Variants in XPNPEP2 observed in about 807,000 individuals in gnomAD.
The protein encoded by XPNPEP2 is X-prolyl aminopeptidase 2, also known as xaa-Pro aminopeptidase 2.
In XPNPEP2, 64 loss-of-function variants were observed where a neutral mutation model predicts 59.8. The ratio of observed to expected loss-of-function variants is 1.07; its 90% CI spans 0.87 to 1.32. The LOEUF (loss-of-function observed/expected upper bound fraction) is 1.32, where lower values mean the gene tolerates loss of function less well. XPNPEP2 is among the 40% of genes most tolerant of loss of function. The pLI is 0.00. For missense variants in XPNPEP2, 575 were observed against 546.8 expected (o/e 1.05, Z -0.51); for synonymous variants, 235 against 210.0 (o/e 1.12, Z -1.03).
rs766405558 is a variant in XPNPEP2 at position 129,754,497 on chromosome X, G to A, written c.1133G>A (p.Arg378Gln). 8.4e-7 allele frequency: 1 copy of A among 1,193,617 alleles called. No homozygotes were observed. The highest frequency in any genetic ancestry group is 1.1e-6 in the Non-Finnish European group (1 of 887,247). ...SHVRDAVAVI[R>Q]YLVWLEKNVP... ...GTGCGGGACGCTGTGGCTGTGATCC[G>A]GTACTTGGTCTGGCTGGAGAAGAAC... Residue 378 changes from arginine (R) to glutamine (Q), a missense_variant, in exon 12 of 21, where the codon CGG becomes CAG. Physicochemically the swap from Arg to Gln is conservative, Grantham distance 43. Transcript: ENST00000371106.
intron 16 of XPNPEP2, 77 bp downstream of exon 16, chrX:129,760,658 G>A: frequency 9.7e-7 from 1 of 1,027,487 alleles, no homozygotes; most frequent in Non-Finnish European, 1.4e-6. Flanking sequence ...CTGGGAGGCT[G>A]GTGGGGCAAG....
chrX:129,758,561 C>G (rs143548674), intron 14 of XPNPEP2, among the ~76,000 whole-genome samples: 33 of 111,365 alleles, frequency 3.0e-4, no homozygotes, highest in African/African-American at 1.1e-3. Context: ...CAGCAAGTCA[C>G]TGGGTCAGAT....
chrX:129,739,195 G>T lies in XPNPEP2; in HGVS notation c.-19G>T. ...TCCCTTGTCCCTCCATCCACCCAGCGCCGGCATCTGGAGACCCTATGGCCC... is the reference window on the plus strand; with the variant it reads ...TCCCTTGTCCCTCCATCCACCCAGCTCCGGCATCTGGAGACCCTATGGCCC... On this transcript the variant is annotated 5_prime_UTR_variant, in exon 1 of 21. Transcript: ENST00000371106. The T allele has an allele frequency of 1.8e-5, 22 of 1,206,626 alleles. No homozygotes were observed. The highest frequency in any genetic ancestry group is 3.5e-5 in the South Asian group (2 of 56,822).
rs1772958942 is a variant in XPNPEP2, at chrX:129,753,327, G to A, written c.1107+79G>A. 3.2e-6 allele frequency: 3 copies of A among 935,421 alleles called. No homozygotes were observed. In the African/African-American group the frequency reaches 5.8e-5, roughly 18 times the overall value. The allele number at this position is 935,421 out of a possible 1,213,427, so 77.1% of individuals were successfully genotyped here. On this transcript the variant is annotated intron_variant, in intron 11 of 20. Transcript: ENST00000371106. ...TTAGAAAGGAAAGGCCTCCAGAAGA[G>A]CCTGAAGAAGACCCTCAATGAAACA...
intron 2 of XPNPEP2, 59 bp from the exon 3 acceptor site, chrX:129,743,902 C>G: frequency 1.8e-6 from 2 of 1,087,953 alleles, no homozygotes; most frequent in East Asian, 3.0e-5. Context: ...ATGTCATTTT[C>G]TCTAAGCAAC....
chrX:129,749,968 T>A (rs1021216404), intron 7 of XPNPEP2, among the ~76,000 whole-genome samples: 10 of 112,781 alleles, frequency 8.9e-5, no homozygotes, highest in African/African-American at 3.2e-4. Flanking sequence ...TACCCGTGGC[T>A]TAGTAAATAC....
Position 129,747,939 on chromosome X carries a change from C to A in XPNPEP2, c.637+186C>A. ...TCAGGGCCCCCTCCCCTTGAGGAGT[C>A]TGAATCAAAATGTCCTCCGGCCATA... On this transcript the variant is annotated intron_variant, in intron 7 of 20. Transcript: ENST00000371106. 4 of 580,532 alleles carry A rather than the reference C, an allele frequency of 6.9e-6. No homozygotes were observed. The South Asian group carries it at 1.0e-4, about 15-fold the overall frequency. The allele number at this position is 580,532 out of a possible 1,213,427, so 47.8% of individuals were successfully genotyped here.
Position 129,757,878 on chromosome X carries a change from A to G in XPNPEP2, c.1368-1302A>G, listed in dbSNP as rs1478954441. Among the ~76,000 whole-genome samples, 456 of 71,881 alleles carry G rather than the reference A, an allele frequency of 6.3e-3. 3 individuals are homozygous for G. The highest frequency in any genetic ancestry group is 0.021 in the Admixed American group (106 of 4,982). 62.4% of individuals were successfully genotyped at this position (71,881 alleles called of 115,157 possible). A position where few individuals can be genotyped will look rare whatever the true frequency, so the allele number is the denominator to read the frequency against. ...AAGAAAGAGGGAGAGAGAGAAAGAG[A>G]GAGAGAGAGAGAGAGAGAAAGAAAG... On this transcript the variant is annotated intron_variant, in intron 14 of 20. Transcript: ENST00000371106.
At chrX:129,759,138 C>A in intron 14 of XPNPEP2, 42 bp from the exon 15 acceptor site, 1 of 1,208,821 alleles carries the variant, frequency 8.3e-7, no homozygotes, top group Non-Finnish European at 1.1e-6. Flanking sequence ...GCCCCAGTCC[C>A]TAGCCCCAGG....
rs867312968 is a variant in XPNPEP2, at chrX:129,755,308, C to G, written c.1232C>G (p.Ser411Cys). ...GTACTTTCCAGAGAAGAACAGTTCT[C>G]CTCCGGACCCAGTTTTGAAACCATC... The part of the protein sequence containing the change: ...VDKFRGEEQF[S>C]SGPSFETISA... Residue 411 changes from serine to cysteine, a missense_variant, in exon 13 of 21, where the codon TCC becomes TGC. Physicochemically the swap from Ser to Cys is moderately radical, Grantham distance 112. Transcript: ENST00000371106. 1.7e-6 allele frequency: 2 copies of G among 1,211,493 alleles called. No homozygotes were observed. The highest frequency in any genetic ancestry group is 4.3e-5 in the Admixed American group (2 of 46,074).
Position 129,759,072 on chromosome X carries a change from G to A in XPNPEP2, c.1368-108G>A, listed in dbSNP as rs189990966. The A allele has an allele frequency of 1.3e-4, 118 of 934,867 alleles. 1 individual carries two copies. Among genetic ancestry groups the A allele is most frequent in the Admixed American group, 7.7e-4 (33 of 43,100 alleles). 77.0% of individuals were successfully genotyped at this position (934,867 alleles called of 1,213,427 possible). A position where few individuals can be genotyped will look rare whatever the true frequency, so the allele number is the denominator to read the frequency against. On this transcript the variant is annotated intron_variant, in intron 14 of 20. Coordinates refer to ENST00000371106, the MANE Select transcript of XPNPEP2 (RefSeq NM_003399.6). ...TGGTAGCTGTCTTCTTCCTTTCGCC[G>A]TCCACCCATCCCATCCCAGCCCTGC...
intron 1 of XPNPEP2, among the ~76,000 whole-genome samples, chrX:129,741,187 C>G (rs1251236519): frequency 9.3e-6 from 1 of 108,084 alleles, no homozygotes; most frequent in Non-Finnish European, 1.9e-5. Context: ...GGGGGTCACT[C>G]TCGAGTCACT....
intron 2 of XPNPEP2, 41 bp downstream of exon 2, chrX:129,742,222 C>A (rs1244706821): frequency 6.7e-6 from 5 of 741,566 alleles, no homozygotes; most frequent in African/African-American, 2.5e-5. Flanking sequence ...CCCCTGGCCC[C>A]ACGCACCCCC....
chrX:129,739,961 G>A (rs1926142555), intron 1 of XPNPEP2, among the ~76,000 whole-genome samples: 1 of 112,210 alleles, frequency 8.9e-6, no homozygotes, highest in Non-Finnish European at 1.9e-5. Context: ...TTTCTTTGTT[G>A]TCTGTCAGCA....
At chrX:129,767,209 A>G (rs188303662) in intron 19 of XPNPEP2, among the ~76,000 whole-genome samples, 3 of 110,458 alleles carry the variant, frequency 2.7e-5, no homozygotes, top group Non-Finnish European at 5.7e-5. Context: ...GGGAGATCCT[A>G]TCTCAAAAAA....
At chrX:129,764,924 A>T (rs907866445) in intron 19 of XPNPEP2, among the ~76,000 whole-genome samples, 1 of 111,304 alleles carries the variant, frequency 9.0e-6, no homozygotes, top group African/African-American at 3.3e-5. Context: ...AGATCACACC[A>T]CTGCACTCCA....
At chrX:129,761,527 A>G (rs1479082742) in intron 17 of XPNPEP2, among the ~76,000 whole-genome samples, 1 of 112,111 alleles carries the variant, frequency 8.9e-6, no homozygotes, top group African/African-American at 3.2e-5. Context: ...CCAGAGAAAT[A>G]AAAGCCAGAG....
At position 129,752,358 on chromosome X, in the gene XPNPEP2, G is replaced by A. The variant is rs374867032; in HGVS notation, c.1017+13G>A. ...AATGATACCCAAGGTGGGTTTGCCA[G>A]GCCCCAGCCCAAGCCAGGCACCAAT... On this transcript the variant is annotated intron_variant, in intron 10 of 20. Transcript: ENST00000371106. The A allele has an allele frequency of 1.0e-5, 12 of 1,205,833 alleles. No individual in the cohort carries two copies. The South Asian group carries it at 1.6e-4, about 16-fold the overall frequency.
At chrX:129,750,903 C>T (rs759515053) in intron 8 of XPNPEP2, among the ~76,000 whole-genome samples, 1 of 111,632 alleles carries the variant, frequency 9.0e-6, no homozygotes, top group Admixed American at 9.5e-5. Context: ...TACCCCAGGG[C>T]ACTCACACTC....
Sources: allele counts gnomAD v4.1 joint callset (sites outside exome capture counted in the v4.1 genomes callset), GRCh38; gene constraint gnomAD v4.1.1; transcripts MANE v1.5; gene names NCBI Gene and HGNC (gene_info 2026-07-23, HGNC 2026-07-21).